DZIP3: variants seen among roughly 807,000 people sequenced by gnomAD.
DZIP3 encodes E3 ubiquitin-protein ligase DZIP3.
DZIP3 carries 118 observed loss-of-function variants against 162.0 expected under a neutral mutation model. The ratio of observed to expected loss-of-function variants is 0.73; its 90% CI spans 0.63 to 0.85. The LOEUF (loss-of-function observed/expected upper bound fraction) is 0.85, where lower values mean the gene tolerates loss of function less well. DZIP3 is among the 40% of genes least tolerant of loss of function. DZIP3 has a pLI of 0.00. For missense variants in DZIP3, 1,331 were observed against 1,407.0 expected (o/e 0.95, Z 0.86); for synonymous variants, 438 against 458.6 (o/e 0.96, Z 0.57).
In DZIP3 at chr3:108,654,289, T is replaced by C; in HGVS notation, c.2178T>C (p.His726=). Residue 726 remains histidine, a synonymous_variant, in exon 19 of 33, where the codon CAT becomes CAC. Coordinates refer to ENST00000361582, the MANE Select transcript of DZIP3 (RefSeq NM_014648.4). ...EDKFYSLDEL[H]ILDMIEQGSA... ...AGTTCTATAGCCTGGATGAATTGCATATTCTGGACATGATAGAGCAGGTAA... is the reference window on the plus strand; with the variant it reads ...AGTTCTATAGCCTGGATGAATTGCACATTCTGGACATGATAGAGCAGGTAA... 1 of 1,613,728 alleles carries C rather than the reference T, an allele frequency of 6.2e-7. No homozygotes were observed. The highest frequency in any genetic ancestry group is 8.5e-7 in the Non-Finnish European group (1 of 1,179,682).
intron 12 of DZIP3, among the ~76,000 whole-genome samples, chr3:108,639,391 T>C (rs193130342): frequency 1.3e-5 from 2 of 152,252 alleles, no homozygotes; most frequent in African/African-American, 2.4e-5. Context: ...TGGCTAGATA[T>C]GAACTTTGAA....
rs763834600 is a variant in DZIP3 at position 108,625,861 on chromosome 3, A to G, written c.473A>G (p.Glu158Gly). The G allele has an allele frequency of 4.3e-5, 69 of 1,612,576 alleles. No individual in the cohort carries two copies. Among genetic ancestry groups the G allele is most frequent in the Non-Finnish European group, 5.8e-5 (68 of 1,179,378 alleles). ...RGKKEDYTEA[E>G]NKFLVMKMMI... ...TTACTACAGGATTATACAGAAGCTGAGAATAAATTTCTGGTGATGAAGATG... is the reference window on the plus strand; with the variant it reads ...TTACTACAGGATTATACAGAAGCTGGGAATAAATTTCTGGTGATGAAGATG... The change falls in exon 7 of 33, where the codon GAG (glutamate) becomes GGG (glycine). Residue 158 changes from glutamate (E) to glycine (G), a missense_variant. Physicochemically the swap from Glu to Gly is moderately conservative, Grantham distance 98. Transcript: ENST00000361582.
At chr3:108,638,385 G>A (rs537954884) in intron 12 of DZIP3, among the ~76,000 whole-genome samples, 37 of 151,970 alleles carry the variant, frequency 2.4e-4, no homozygotes, top group Admixed American at 3.9e-4. Flanking sequence ...GCACAATCTC[G>A]GCTCACTGCA....
At chr3:108,649,042 T>C in intron 17 of DZIP3, 80 bp downstream of exon 17, 1 of 838,512 alleles carries the variant, frequency 1.2e-6, no homozygotes, top group Non-Finnish European at 1.6e-6. Flanking sequence ...GAACTTAAAT[T>C]AGTTCAAGTA....
chr3:108,590,380 G>T (rs779729328), intron 1 of DZIP3, among the ~76,000 whole-genome samples: 1 of 152,128 alleles, frequency 6.6e-6, no homozygotes. Context: ...CACTTCAAAA[G>T]AATTTTTTTG....
In DZIP3 at chr3:108,655,718, C is replaced by T. The variant is rs150165302; in HGVS notation, c.2199+1408C>T. 6.8e-3 allele frequency among the ~76,000 whole-genome samples: 1,043 copies of T among 152,274 alleles called. 5 individuals are homozygous for T. The highest frequency in any genetic ancestry group is 0.024 in the African/African-American group (983 of 41,538). ...GCGAGGCATCACCTCACCTGGGAAGCGCACGGGGTCAGGGAATTCCCTTTC... is the reference window on the plus strand; with the variant it reads ...GCGAGGCATCACCTCACCTGGGAAGTGCACGGGGTCAGGGAATTCCCTTTC... On this transcript the variant is annotated intron_variant, in intron 19 of 32. Coordinates refer to ENST00000361582, the MANE Select transcript of DZIP3 (RefSeq NM_014648.4).
intron 16 of DZIP3, chr3:108,648,714 T>G: frequency 3.9e-6 from 1 of 259,408 alleles, no homozygotes; most frequent in Middle Eastern, 1.4e-3. Context: ...GTTCCTTTAT[T>G]CATCAGTGAT....
intron 12 of DZIP3, 146 bp from the exon 13 acceptor site, chr3:108,642,292 C>G: frequency 1.1e-6 from 1 of 879,654 alleles, no homozygotes; most frequent in South Asian, 1.8e-5. Flanking sequence ...TGTTGGTGAG[C>G]TCTATTTGTT....
chr3:108,620,337 CAT>C (rs1941265970), intron 5 of DZIP3, among the ~76,000 whole-genome samples: 1 of 152,164 alleles, frequency 6.6e-6, no homozygotes, highest in Non-Finnish European at 1.5e-5. Flanking sequence ...CAGCATAAAT[CAT>C]AGTGTTTGCA....
Position 108,669,749 on chromosome 3 carries a change from G to T in DZIP3, c.2492G>T (p.Arg831Ile). The T allele has an allele frequency of 1.2e-6, 2 of 1,608,840 alleles. No individual in the cohort carries two copies. The highest frequency in any genetic ancestry group is 2.2e-5 in the East Asian group (1 of 44,744). Residue 831 changes from arginine (R) to isoleucine (I), a missense_variant and splice_region_variant, in exon 22 of 33, where the codon AGA becomes ATA. Transcript: ENST00000361582. ...KNLKEQLSMK[R>I]SQWEMEKHNL... ...CTTAAAGAGCAACTTTCTATGAAAA[G>T]GTACAAACTTAGCTTTTTCTTTGGG...
At chr3:108,672,707 T>C (rs1298036342) in intron 23 of DZIP3, 51 bp downstream of exon 23, 1 of 1,369,420 alleles carries the variant, frequency 7.3e-7, no homozygotes, top group Non-Finnish European at 1.0e-6. Context: ...AAGTTTTACT[T>C]GTATACCATC....
intron 5 of DZIP3, among the ~76,000 whole-genome samples, chr3:108,620,979 G>A (rs570721627): frequency 1.6e-4 from 24 of 152,050 alleles, no homozygotes; most frequent in Admixed American, 1.0e-3. Flanking sequence ...GTGCCACCAC[G>A]CCTGGCTAAT....
At chr3:108,692,400 C>T (rs1212995315) in intron 32 of DZIP3, among the ~76,000 whole-genome samples, 1 of 152,084 alleles carries the variant, frequency 6.6e-6, no homozygotes, top group Admixed American at 6.6e-5. Context: ...GGCTTCTACA[C>T]TAACATAAGC....
At position 108,683,143 on chromosome 3, in the gene DZIP3, A is replaced by G. The variant is rs569688272; in HGVS notation, c.2884-1073A>G. On this transcript the variant is annotated intron_variant, in intron 26 of 32. Transcript: ENST00000361582. ...TGGAATATTTTAAAGCAAACCCCAG[A>G]TATCATCCAATTTATCCATTTATGC... is the stretch of plus-strand genomic sequence containing the variant. Among the ~76,000 whole-genome samples the G allele has an allele frequency of 2.0e-5, 3 of 150,884 alleles. No individual in the cohort carries two copies. In the South Asian group the frequency reaches 6.2e-4, roughly 31 times the overall value.
intron 1 of DZIP3, among the ~76,000 whole-genome samples, chr3:108,597,883 G>A (rs1170737961): frequency 6.6e-6 from 1 of 151,900 alleles, no homozygotes; most frequent in Non-Finnish European, 1.5e-5. Flanking sequence ...CTGTTTTAGG[G>A]CTATGTGATC....
In DZIP3 at chr3:108,624,445, C is replaced by A. The variant is rs202179235; in HGVS notation, c.377C>A (p.Ala126Glu). 1.5e-5 allele frequency: 23 copies of A among 1,572,512 alleles called. 1 individual carries two copies. In the East Asian group the frequency reaches 4.5e-4, roughly 31 times the overall value. The part of the protein sequence containing the change: ...LRNIQAGNYT[A>E]HQINIGYYLT... ...ATTAACATATTTTTTTCTTTGTAGG[C>A]ACACCAGATTAATATTGGTTATTAT... Residue 126 changes from alanine (A) to glutamate (E), a missense_variant and splice_region_variant, in exon 6 of 33, where the codon GCA becomes GAA. Coordinates refer to ENST00000361582, the MANE Select transcript of DZIP3 (RefSeq NM_014648.4).
chr3:108,593,649 A>AAATTTAGC (rs1269829558), intron 1 of DZIP3, among the ~76,000 whole-genome samples: 1 of 151,396 alleles, frequency 6.6e-6, no homozygotes, highest in African/African-American at 2.4e-5. Context: ...TAGATGGTAG[A>AAATTTAGC]AATTTAGCAA....
At chr3:108,692,277 T>C (rs202241178) in intron 32 of DZIP3, among the ~76,000 whole-genome samples, 1 of 152,178 alleles carries the variant, frequency 6.6e-6, no homozygotes. Flanking sequence ...AGACTGGCTA[T>C]TGGTAATCCA....
intron 28 of DZIP3, among the ~76,000 whole-genome samples, chr3:108,687,182 CATTT>C (rs763767300): frequency 6.6e-5 from 10 of 151,916 alleles, no homozygotes; most frequent in Non-Finnish European, 1.2e-4. Flanking sequence ...TCAATACAAA[CATTT>C]AATATATATA....
Sources: allele counts gnomAD v4.1 joint callset (sites outside exome capture counted in the v4.1 genomes callset), GRCh38; gene constraint gnomAD v4.1.1; transcripts MANE v1.5; gene names NCBI Gene and HGNC (gene_info 2026-07-23, HGNC 2026-07-21).